SPON1: variants seen among roughly 807,000 people sequenced by gnomAD.
SPON1 encodes the protein spondin 1, also known as spondin-1.
SPON1 carries 52 observed loss-of-function variants against 111.7 expected under a neutral mutation model. That is an observed-to-expected ratio of 0.47 (90% CI 0.37 to 0.59). The LOEUF (loss-of-function observed/expected upper bound fraction) is 0.59. Among genes scored for constraint, SPON1 ranks in the 20% least tolerant of loss-of-function variants. The probability of loss-of-function intolerance (pLI) is 0.00; values close to 1 mark genes in which losing one functional copy is unlikely to be tolerated. For synonymous variants in SPON1, 410 were observed against 395.8 expected (o/e 1.04, Z -0.43); for missense variants, 957 against 1,068.5 (o/e 0.90, Z 1.46).
intron 1 of SPON1, among the ~76,000 whole-genome samples, chr11:13,977,112 A>G (rs1218766232): frequency 6.6e-6 from 1 of 152,236 alleles, no homozygotes; most frequent in Non-Finnish European, 1.5e-5. Flanking sequence ...GCTGAAGGGC[A>G]TTTGAGTATT....
At chr11:14,152,637 A>G (rs1384180100) in intron 6 of SPON1, among the ~76,000 whole-genome samples, 3 of 152,368 alleles carry the variant, frequency 2.0e-5, no homozygotes, top group South Asian at 2.1e-4. Flanking sequence ...GTAATATGAT[A>G]TAGAGACAAA....
chr11:14,204,915 C>G (rs1455434855), intron 6 of SPON1, among the ~76,000 whole-genome samples: 2 of 151,128 alleles, frequency 1.3e-5, no homozygotes, highest in African/African-American at 2.4e-5. Flanking sequence ...TCTTGATCTC[C>G]TGACCTCGTG....
At chr11:14,128,264 C>A (rs1847485969) in intron 5 of SPON1, among the ~76,000 whole-genome samples, 1 of 152,220 alleles carries the variant, frequency 6.6e-6, no homozygotes, top group African/African-American at 2.4e-5. Flanking sequence ...CCTGTAAAAT[C>A]AAGAGCAAAT....
At chr11:14,115,877 A>G (rs1028953918) in intron 5 of SPON1, among the ~76,000 whole-genome samples, 44 of 152,148 alleles carry the variant, frequency 2.9e-4, no homozygotes, top group African/African-American at 1.0e-3. Context: ...AAGAGATCTA[A>G]TTAATCTACA....
rs573288709 is a variant in SPON1 at position 13,990,979 on chromosome 11, A to G, written c.345+8026A>G. On this transcript the variant is annotated intron_variant, in intron 2 of 15. Transcript: ENST00000576479. ...TGGGCTTCCCTTTGTGGGTAACATGACCTTTCTCTCTGGCTGCCCTTAACA... is the reference window on the plus strand; with the variant it reads ...TGGGCTTCCCTTTGTGGGTAACATGGCCTTTCTCTCTGGCTGCCCTTAACA... Among the ~76,000 whole-genome samples the G allele has an allele frequency of 9.4e-4, 143 of 152,244 alleles. 1 individual carries two copies. Among genetic ancestry groups the G allele is most frequent in the Non-Finnish European group, 1.8e-3 (122 of 68,022 alleles).
intron 14 of SPON1, 114 bp from the exon 15 acceptor site, chr11:14,262,598 T>C (rs76570052): frequency 1.8e-5 from 24 of 1,363,252 alleles, no homozygotes; most frequent in Non-Finnish European, 2.4e-5. Context: ...TAAAATAGCA[T>C]GACACAGCAC....
chr11:14,143,725 A>G (rs1847685643), intron 6 of SPON1, among the ~76,000 whole-genome samples: 1 of 152,152 alleles, frequency 6.6e-6, no homozygotes, highest in African/African-American at 2.4e-5. Flanking sequence ...CTGAAGAGAG[A>G]AGAAGTTCAG....
intron 6 of SPON1, among the ~76,000 whole-genome samples, chr11:14,220,450 A>G (rs1261695414): frequency 6.6e-6 from 1 of 152,198 alleles, no homozygotes; most frequent in African/African-American, 2.4e-5. Context: ...ATTCTTACTA[A>G]GGTGACATTG....
At chr11:14,243,208 C>G in intron 6 of SPON1, 124 bp from the exon 7 acceptor site, 1 of 875,920 alleles carries the variant, frequency 1.1e-6, no homozygotes, top group South Asian at 1.5e-5. Context: ...TGGCTGTACA[C>G]CCAGGCAGGA....
intron 5 of SPON1, among the ~76,000 whole-genome samples, chr11:14,122,964 CCTT>C (rs1488711295): frequency 7.1e-6 from 1 of 140,340 alleles, no homozygotes; most frequent in Non-Finnish European, 1.5e-5. Flanking sequence ...GACAGGATCT[CCTT>C]CTGTCACCCA....
intron 6 of SPON1, among the ~76,000 whole-genome samples, chr11:14,160,714 TATATTTATATATTTATATATATTTA>T (rs1847920312): frequency 1.4e-4 from 2 of 14,342 alleles, no homozygotes; most frequent in Non-Finnish European, 1.9e-4. Flanking sequence ...TATATTTATA[TATATTTATATATTTATATATATTTA>T]ATTTATATAT....
chr11:14,058,859 C>T (rs782787532), intron 3 of SPON1, among the ~76,000 whole-genome samples: 2 of 152,154 alleles, frequency 1.3e-5, no homozygotes, highest in Non-Finnish European at 2.9e-5. Flanking sequence ...TGATATAGCT[C>T]ATAAGTAGCA....
chr11:14,118,033 A>G (rs1198848924), intron 5 of SPON1, among the ~76,000 whole-genome samples: 1 of 152,224 alleles, frequency 6.6e-6, no homozygotes, highest in African/African-American at 2.4e-5. Flanking sequence ...GCATTGGCTT[A>G]CTTATTTACA....
intron 6 of SPON1, among the ~76,000 whole-genome samples, chr11:14,222,256 C>G (rs1554937670): frequency 1.3e-5 from 2 of 152,230 alleles, no homozygotes; most frequent in East Asian, 3.8e-4. Flanking sequence ...CAAGTTGTGA[C>G]ATAAGCCAGG....
At chr11:14,041,715 G>GAA (rs369622005) in intron 3 of SPON1, 61 bp downstream of exon 3, 72 of 1,230,646 alleles carry the variant, frequency 5.9e-5, no homozygotes, top group South Asian at 1.2e-4. Flanking sequence ...TGATTGCAGG[G>GAA]AAAAAAAAAA....
At position 14,074,452 on chromosome 11, in the gene SPON1, A is replaced by G. The variant is rs138078517; in HGVS notation, c.480-893A>G. On this transcript the variant is annotated intron_variant, in intron 3 of 15. Coordinates refer to ENST00000576479, the MANE Select transcript of SPON1 (RefSeq NM_006108.4). ...TACTCCTTCAGTGTGGTCAGCTATA[A>G]TACAGTCAAGGAATCCCTATATCTG... Among the ~76,000 whole-genome samples, 184 of 152,340 alleles carry G rather than the reference A, an allele frequency of 1.2e-3. 1 individual carries two copies. The highest frequency in any genetic ancestry group is 1.7e-3 in the Non-Finnish European group (116 of 68,026).
chr11:14,147,055 A>C (rs748763355), intron 6 of SPON1, among the ~76,000 whole-genome samples: 63 of 90,650 alleles, frequency 6.9e-4, no homozygotes, highest in Non-Finnish European at 1.1e-3. Flanking sequence ...TTTGAGACGG[A>C]GTCTTGCTCT....
intron 5 of SPON1, among the ~76,000 whole-genome samples, chr11:14,114,490 A>G (rs1311353794): frequency 6.6e-6 from 1 of 151,904 alleles, no homozygotes. Flanking sequence ...GCTTAATCTC[A>G]TGCCCTCTGC....
At position 14,181,853 on chromosome 11, in the gene SPON1, T is replaced by C. The variant is rs114086963; in HGVS notation, c.825+46285T>C. ...TTTCTTTTCCTCATGTGTGGGTTTTTTGTTTTTTGTTTTTAGTAATGATAA... is the reference window on the plus strand; with the variant it reads ...TTTCTTTTCCTCATGTGTGGGTTTTCTGTTTTTTGTTTTTAGTAATGATAA... On this transcript the variant is annotated intron_variant, in intron 6 of 15. Coordinates refer to ENST00000576479, the MANE Select transcript of SPON1 (RefSeq NM_006108.4). Among the ~76,000 whole-genome samples the C allele has an allele frequency of 8.4e-3, 1,278 of 152,332 alleles. 14 individuals carry two copies. The highest frequency in any genetic ancestry group is 0.029 in the African/African-American group (1,200 of 41,582).
Sources: gnomAD v4.1 joint callset for allele counts (sites outside exome capture counted in the v4.1 genomes callset) on GRCh38, gnomAD v4.1.1 for gene constraint, MANE v1.5 for transcripts, NCBI Gene and HGNC (gene_info 2026-07-23, HGNC 2026-07-21) for gene names.